PRR7: variants seen among roughly 807,000 people sequenced by gnomAD.
The protein encoded by PRR7 is proline rich 7, synaptic, also known as proline-rich protein 7.
PRR7 carries 8 observed loss-of-function variants against 18.5 expected under a neutral mutation model. The ratio of observed to expected loss-of-function variants is 0.43; its 90% CI spans 0.25 to 0.78. The LOEUF is 0.78. Ranked by LOEUF, PRR7 falls within the 30% of genes least tolerant of loss-of-function variation. The probability of loss-of-function intolerance (pLI) is 0.22; values close to 1 mark genes in which losing one functional copy is unlikely to be tolerated. For missense variants in PRR7, 396 were observed against 403.1 expected (o/e 0.98, Z 0.15); for synonymous variants, 221 against 187.7 (o/e 1.18, Z -1.45).
rs1425150438 is a variant in PRR7 at position 177,450,442 on chromosome 5, C to T, written c.-325+3482C>T. On this transcript the variant is annotated intron_variant, in intron 1 of 3. Transcript: ENST00000323249. The surrounding 1 kb of genome is among the most constrained non-coding windows in gnomAD (Gnocchi z 6.6). The stretch of plus-strand genomic sequence containing the variant: ...TGGGTGATGGCTCTTCTCTGAGTGA[C>T]GTTTTGGTGAATGGCTGACATTTCC... Among the ~76,000 whole-genome samples, 6 of 152,192 alleles carry T rather than the reference C, an allele frequency of 3.9e-5. No homozygotes were observed. Among genetic ancestry groups the T allele is most frequent in the African/African-American group, 7.2e-5 (3 of 41,442 alleles).
chr5:177,456,066 G>A lies in PRR7; in HGVS notation c.770G>A (p.Gly257Glu), dbSNP rs747050864. The change falls in exon 4 of 4, where the codon GGA (glycine) becomes GAA (glutamate). Residue 257 changes from glycine (G) to glutamate (E), a missense_variant. Physicochemically the swap from Gly to Glu is moderately conservative, Grantham distance 98. This residue lies in a region of PRR7 where 383 missense variants were observed against 372.6 expected (regional missense o/e 1.03). Coordinates refer to ENST00000323249, the MANE Select transcript of PRR7 (RefSeq NM_030567.5). ...ELSSREPLEH[G>E]AWRLPVSIPL... ...AGCAGCCGCGAGCCCCTGGAGCACGGAGCTTGGCGTCTGCCGGTCTCCATC... is the reference window on the plus strand; with the variant it reads ...AGCAGCCGCGAGCCCCTGGAGCACGAAGCTTGGCGTCTGCCGGTCTCCATC... 2.9e-5 allele frequency: 46 copies of A among 1,578,504 alleles called. No homozygotes were observed. Among genetic ancestry groups the A allele is most frequent in the South Asian group, 1.3e-4 (11 of 87,704 alleles).
rs1218820820 is a variant in PRR7, at chr5:177,455,093, C to T, written c.26C>T (p.Thr9Met). The change falls in exon 3 of 4, where the codon ACG becomes ATG. Residue 9 changes from threonine to methionine, a missense_variant. This residue lies in a region of PRR7 where 13 missense variants were observed against 30.6 expected (regional missense o/e 0.43). Coordinates refer to ENST00000323249, the MANE Select transcript of PRR7 (RefSeq NM_030567.5). This position sits in a 1 kb window ranked among gnomAD's most constrained non-coding sequence, Gnocchi z 6.9. ...ATGGTGATGTCCCAGGGCACCTACA[C>T]GTTCCTCACGTGCTTCGCCGGCTTC... MVMSQGTY[T>M]FLTCFAGFWL... 2.0e-6 allele frequency: 3 copies of T among 1,496,222 alleles called. No individual in the cohort carries two copies. The highest frequency in any genetic ancestry group is 2.7e-6 in the Non-Finnish European group (3 of 1,122,682). The allele number at this position is 1,496,222 out of a possible 1,614,324, so 92.7% of individuals were successfully genotyped here. A position where few individuals can be genotyped will look rare whatever the true frequency, so the allele number is the denominator to read the frequency against.
chr5:177,447,260 TCCCTCCC>T lies in PRR7; in HGVS notation c.-325+310_-325+316del, dbSNP rs938044244. Among the ~76,000 whole-genome samples, 480 of 151,436 alleles carry T rather than the reference TCCCTCCC, an allele frequency of 3.2e-3. 3 individuals carry two copies. The highest frequency in any genetic ancestry group is 3.4e-3 in the Non-Finnish European group (228 of 67,724). On this transcript the variant is annotated intron_variant, in intron 1 of 3. Coordinates refer to ENST00000323249, the MANE Select transcript of PRR7 (RefSeq NM_030567.5). Reference sequence around the variant, plus strand: ...GCGGGGCGGCGACGCCCCCTCCCCCTCCCTCCCCCCTCCCCCGACGCGGGCCCACAGC... The same window carrying T: ...GCGGGGCGGCGACGCCCCCTCCCCCTCCCTCCCCCGACGCGGGCCCACAGC...
At chr5:177,447,282 G>A (rs887619592) in intron 1 of PRR7, among the ~76,000 whole-genome samples, 1 of 152,096 alleles carries the variant, frequency 6.6e-6, no homozygotes, top group African/African-American at 2.4e-5. Context: ...CCCCCGACGC[G>A]GGCCCACAGC....
chr5:177,446,576 C>G (rs1341979788), upstream of PRR7: 3 of 152,234 alleles, frequency 2.0e-5, no homozygotes, highest in Non-Finnish European at 4.4e-5. The surrounding 1 kb of genome is among the most constrained non-coding windows in gnomAD (Gnocchi z 5.3). Context: ...GAGTGTGGAC[C>G]GGGTCGGCCG....
rs764284366 is a variant in PRR7, at chr5:177,455,207, G to T, written c.140G>T (p.Arg47Leu). ...RLKRRQEERL[R>L]EQNLRALELE... The stretch of plus-strand genomic sequence containing the variant: ...AAACGGCGCCAGGAGGAGCGACTGC[G>T]CGAGCAGAACCTGCGCGCCCTAGAG... The change falls in exon 3 of 4, where the codon CGC becomes CTC. Residue 47 changes from arginine (R) to leucine (L), a missense_variant. Transcript: ENST00000323249. The surrounding 1 kb of genome is among the most constrained non-coding windows in gnomAD (Gnocchi z 6.9). 26 of 1,571,034 alleles carry T rather than the reference G, an allele frequency of 1.7e-5. No individual in the cohort carries two copies. The highest frequency in any genetic ancestry group is 4.3e-6 in the Non-Finnish European group (5 of 1,165,680).
In PRR7 at chr5:177,456,122, A is replaced by AG. The variant is rs781043857; in HGVS notation, c.*5dup. On this transcript the variant is annotated 3_prime_UTR_variant, in exon 4 of 4. Transcript: ENST00000323249. ...GTTCGGGAGGACTACAGCCGTATAG[A>AG]GGGGCGCCCGGCGCCCCGGGCCCCA... 7.5e-7 allele frequency: 1 copy of AG among 1,337,308 alleles called. No homozygotes were observed. The highest frequency in any genetic ancestry group is 1.6e-5 in the African/African-American group (1 of 62,932). The allele number at this position is 1,337,308 out of a possible 1,614,324, so 82.8% of individuals were successfully genotyped here. A position where few individuals can be genotyped will look rare whatever the true frequency, so the allele number is the denominator to read the frequency against.
rs1395283004 is a variant in PRR7, at chr5:177,450,099, G to A, written c.-325+3139G>A. 6.6e-6 allele frequency among the ~76,000 whole-genome samples: 1 copy of A among 152,180 alleles called. No homozygotes were observed. Among genetic ancestry groups the A allele is most frequent in the African/African-American group, 2.4e-5 (1 of 41,430 alleles). Reference sequence around the variant, plus strand: ...TACATCCTTGTCTGTAGAGAGAACAGCAGCCACCTCCTGAGTTTTCCTTAG... The same window carrying A: ...TACATCCTTGTCTGTAGAGAGAACAACAGCCACCTCCTGAGTTTTCCTTAG... On this transcript the variant is annotated intron_variant, in intron 1 of 3. Transcript: ENST00000323249. The surrounding 1 kb of genome is among the most constrained non-coding windows in gnomAD (Gnocchi z 6.6).
In PRR7 at chr5:177,456,204, G is replaced by T; in HGVS notation, c.*83G>T. The T allele has an allele frequency of 1.6e-6, 1 of 610,604 alleles. No individual in the cohort carries two copies. Among genetic ancestry groups the T allele is most frequent in the Non-Finnish European group, 2.6e-6 (1 of 389,292 alleles). The allele number at this position is 610,604 out of a possible 1,614,324, so 37.8% of individuals were successfully genotyped here. On this transcript the variant is annotated 3_prime_UTR_variant, in exon 4 of 4. Coordinates refer to ENST00000323249, the MANE Select transcript of PRR7 (RefSeq NM_030567.5). ...TTTAAATGCTTCCCTGGACTGCGGG[G>T]AGGGGCGGGGGGAGGGAGGGATTTC...
rs1242367556 is a variant in PRR7 at position 177,446,846 on chromosome 5, T to C, written c.-439T>C. On this transcript the variant is annotated 5_prime_UTR_variant, in exon 1 of 4. Transcript: ENST00000323249. This position sits in a 1 kb window ranked among gnomAD's most constrained non-coding sequence, Gnocchi z 5.3. The stretch of plus-strand genomic sequence containing the variant: ...CGCTCGGAGCCGCTTTCGCTGCCAC[T>C]GTCTGCTCCCCCGGGCCGCCGCCGC... The C allele has an allele frequency of 1.3e-5, 2 of 151,570 alleles. No individual in the cohort carries two copies. The highest frequency in any genetic ancestry group is 4.8e-5 in the African/African-American group (2 of 41,336). The allele number at this position is 151,570 out of a possible 1,614,324, so 9.4% of individuals were successfully genotyped here.
chr5:177,455,205 G>C lies in PRR7; in HGVS notation c.138G>C (p.Leu46=), dbSNP rs1756350362. 1 of 1,571,392 alleles carries C rather than the reference G, an allele frequency of 6.4e-7. No homozygotes were observed. The stretch of plus-strand genomic sequence containing the variant: ...TCAAACGGCGCCAGGAGGAGCGACT[G>C]CGCGAGCAGAACCTGCGCGCCCTAG... ...RRLKRRQEER[L]REQNLRALEL... The change falls in exon 3 of 4, where the codon CTG becomes CTC. Residue 46 remains leucine (L), a synonymous_variant. Transcript: ENST00000323249. The surrounding 1 kb of genome is among the most constrained non-coding windows in gnomAD (Gnocchi z 6.9).
At chr5:177,448,987 G>A (rs74627207) in intron 1 of PRR7, among the ~76,000 whole-genome samples, 1 of 152,262 alleles carries the variant, frequency 6.6e-6, no homozygotes, top group Non-Finnish European at 1.5e-5. Flanking sequence ...GAAATGGAAT[G>A]AGTGAGGCGG....
chr5:177,452,652 T>A (rs1198400615), intron 1 of PRR7, among the ~76,000 whole-genome samples: 2 of 152,194 alleles, frequency 1.3e-5, no homozygotes, highest in African/African-American at 2.4e-5. Context: ...GGGCTAGTTA[T>A]GTGACCTTAA....
In PRR7 at chr5:177,455,529, C is replaced by T. The variant is rs573442692; in HGVS notation, c.427+35C>T. ...GACCTCCGCCAGGGGGCGATCCGGGCCGCCGGAAGTGGGCGGGCGTTGGAG... is the reference window on the plus strand; with the variant it reads ...GACCTCCGCCAGGGGGCGATCCGGGTCGCCGGAAGTGGGCGGGCGTTGGAG... On this transcript the variant is annotated intron_variant, in intron 3 of 3. Transcript: ENST00000323249. This position sits in a 1 kb window ranked among gnomAD's most constrained non-coding sequence, Gnocchi z 6.9. 1.4e-5 allele frequency: 20 copies of T among 1,447,980 alleles called. No homozygotes were observed. Among genetic ancestry groups the T allele is most frequent in the Non-Finnish European group, 1.8e-5 (20 of 1,111,118 alleles). 89.7% of individuals were successfully genotyped at this position (1,447,980 alleles called of 1,614,324 possible).
At position 177,455,347 on chromosome 5, in the gene PRR7, C is replaced by T; in HGVS notation, c.280C>T (p.Pro94Ser). The T allele has an allele frequency of 6.7e-7, 1 of 1,492,112 alleles. No homozygotes were observed. Among genetic ancestry groups the T allele is most frequent in the Non-Finnish European group, 8.9e-7 (1 of 1,129,262 alleles). 92.4% of individuals were successfully genotyped at this position (1,492,112 alleles called of 1,614,324 possible). A position where few individuals can be genotyped will look rare whatever the true frequency, so the allele number is the denominator to read the frequency against. Residue 94 changes from proline to serine, a missense_variant, in exon 3 of 4, where the codon CCG becomes TCG. By Grantham distance (74) the Pro-to-Ser change is moderately conservative. Coordinates refer to ENST00000323249, the MANE Select transcript of PRR7 (RefSeq NM_030567.5). This position sits in a 1 kb window ranked among gnomAD's most constrained non-coding sequence, Gnocchi z 6.9. ...GGCGCCGGCTCACGCGCACTCGCAT[C>T]CGCACGTGCACGTGCACCCGCTGCT... ...LEAPAHAHSH[P>S]HVHVHPLLHH...
chr5:177,448,099 G>T (rs1425892290), intron 1 of PRR7, among the ~76,000 whole-genome samples: 2 of 152,242 alleles, frequency 1.3e-5, no homozygotes, highest in Non-Finnish European at 2.9e-5. Context: ...TCCCAGGCCT[G>T]ACTCAGCAGA....
Position 177,455,266 on chromosome 5 carries a change from G to C in PRR7, c.199G>C (p.Gly67Arg), listed in dbSNP as rs912933731. 3.3e-6 allele frequency: 5 copies of C among 1,530,028 alleles called. No homozygotes were observed. The highest frequency in any genetic ancestry group is 2.0e-5 in the Admixed American group (1 of 50,782). 94.8% of individuals were successfully genotyped at this position (1,530,028 alleles called of 1,614,324 possible). A position where few individuals can be genotyped will look rare whatever the true frequency, so the allele number is the denominator to read the frequency against. ...EPLELEGSLA[G>R]SPPGLAPPQP... Reference sequence around the variant, plus strand: ...CCTCGAACTCGAGGGCAGTCTGGCCGGGAGCCCCCCGGGCCTGGCGCCGCC... The same window carrying C: ...CCTCGAACTCGAGGGCAGTCTGGCCCGGAGCCCCCCGGGCCTGGCGCCGCC... The change falls in exon 3 of 4, where the codon GGG becomes CGG. Residue 67 changes from glycine to arginine, a missense_variant. This residue lies in a region of PRR7 where 383 missense variants were observed against 372.6 expected (regional missense o/e 1.03). Transcript: ENST00000323249. This position sits in a 1 kb window ranked among gnomAD's most constrained non-coding sequence, Gnocchi z 6.9.
Position 177,455,325 on chromosome 5 carries a change from G to T in PRR7, c.258G>T (p.Ala86=). 6.7e-7 allele frequency: 1 copy of T among 1,485,040 alleles called. No homozygotes were observed. Among genetic ancestry groups the T allele is most frequent in the Non-Finnish European group, 8.9e-7 (1 of 1,126,990 alleles). The allele number at this position is 1,485,040 out of a possible 1,614,324, so 92.0% of individuals were successfully genotyped here. ...QPPPHRSRLE[A]PAHAHSHPHV... The stretch of plus-strand genomic sequence containing the variant: ...CACCACACCGTAGCCGCCTGGAGGC[G>T]CCGGCTCACGCGCACTCGCATCCGC... Residue 86 remains alanine (A), a synonymous_variant, in exon 3 of 4, where the codon GCG becomes GCT. Transcript: ENST00000323249. This position sits in a 1 kb window ranked among gnomAD's most constrained non-coding sequence, Gnocchi z 6.9.
In PRR7 at chr5:177,455,980, C is replaced by T. The variant is rs1181019357; in HGVS notation, c.684C>T (p.Ala228=). Residue 228 remains alanine (A), a synonymous_variant, in exon 4 of 4, where the codon GCC becomes GCT. Coordinates refer to ENST00000323249, the MANE Select transcript of PRR7 (RefSeq NM_030567.5). The surrounding 1 kb of genome is among the most constrained non-coding windows in gnomAD (Gnocchi z 6.9). ...CTCGGCCCGCGCCGCCCTGCCCAGCCCTCTGCCTGCAGGCCGACCGTGGCC... is the reference window on the plus strand; with the variant it reads ...CTCGGCCCGCGCCGCCCTGCCCAGCTCTCTGCCTGCAGGCCGACCGTGGCC... ...SAPRPAPPCP[A]LCLQADRGRR... 2.5e-6 allele frequency: 4 copies of T among 1,590,194 alleles called. No homozygotes were observed.
Sources: gnomAD v4.1 joint callset for allele counts (sites outside exome capture counted in the v4.1 genomes callset) on GRCh38, gnomAD v4.1.1 for gene constraint, gnomAD v4.1.1 regional missense constraint, Gnocchi (gnomAD v3.1) non-coding constraint, MANE v1.5 for transcripts, NCBI Gene and HGNC (gene_info 2026-07-23, HGNC 2026-07-21) for gene names.